TOM1L2: variants seen among roughly 807,000 people sequenced by gnomAD.
TOM1L2 encodes target of myb1 like 2 membrane trafficking protein.
A neutral mutation model predicts 67.9 loss-of-function variants in TOM1L2; 31 were observed. The observed-to-expected ratio is 0.46, with a 90% confidence interval of 0.34 to 0.62. TOM1L2 has a LOEUF of 0.62. Among genes scored for constraint, TOM1L2 ranks in the 20% least tolerant of loss-of-function variants. The pLI is 0.01. For missense variants in TOM1L2, 606 were observed against 663.5 expected, an observed-to-expected ratio of 0.91 and a Z score of 0.95; for synonymous variants, 256 against 254.0, an observed-to-expected ratio of 1.01 and a Z score of -0.07.
chr17:17,956,472 C>A (rs1236319921), intron 1 of TOM1L2, among the ~76,000 whole-genome samples: 1 of 152,228 alleles, frequency 6.6e-6, no homozygotes, highest in Non-Finnish European at 1.5e-5. Context: ...GTGGAGCTGC[C>A]TGCCAGTCCC....
rs573364417 is a variant in TOM1L2 at position 17,883,811 on chromosome 17, C to T, written c.501+823G>A. On this transcript the variant is annotated intron_variant, in intron 5 of 14. Transcript: ENST00000379504. ...GACCTCTTGCACATTAAAATTAAGT[C>T]GTGTTCCTACGAGAGATGTGCACAG... Among the ~76,000 whole-genome samples, 470 of 152,264 alleles carry T rather than the reference C, an allele frequency of 3.1e-3. 1 individual carries two copies. The highest frequency in any genetic ancestry group is 0.01 in the African/African-American group (434 of 41,542).
intron 7 of TOM1L2, among the ~76,000 whole-genome samples, chr17:17,875,116 G>T (rs1301739184): frequency 6.6e-6 from 1 of 152,024 alleles, no homozygotes; most frequent in Non-Finnish European, 1.5e-5. Context: ...AATTAGCCAG[G>T]CATGATGGCA....
intron 2 of TOM1L2, among the ~76,000 whole-genome samples, chr17:17,905,662 G>T (rs1232479402): frequency 3.3e-5 from 5 of 152,070 alleles, no homozygotes; most frequent in Non-Finnish European, 7.4e-5. Context: ...CCTCAGCCTC[G>T]TACAGTGCTG....
At chr17:17,861,188 A>G (rs4924823) in intron 12 of TOM1L2, among the ~76,000 whole-genome samples, 86,350 of 152,028 alleles carry the variant, frequency 0.57, 25,429 homozygotes, top group Non-Finnish European at 0.63. Context: ...TTGGAACCCC[A>G]GCTTGCTGTC....
chr17:17,934,188 C>T (rs1704767614), intron 1 of TOM1L2, among the ~76,000 whole-genome samples: 1 of 152,172 alleles, frequency 6.6e-6, no homozygotes, highest in African/African-American at 2.4e-5. Flanking sequence ...CAAAGTGCTC[C>T]AATCCCAGCA....
intron 1 of TOM1L2, among the ~76,000 whole-genome samples, chr17:17,950,498 T>TAC (rs2041155861): frequency 6.6e-6 from 1 of 151,990 alleles, no homozygotes; most frequent in African/African-American, 2.4e-5. Context: ...CATGCTATCT[T>TAC]ACCAAGGCCG....
rs1459675771 is a variant in TOM1L2, at chr17:17,869,491, C to T, written c.778-18G>A. 1.3e-6 allele frequency: 2 copies of T among 1,582,796 alleles called. No individual in the cohort carries two copies. Among genetic ancestry groups the T allele is most frequent in the Non-Finnish European group, 1.7e-6 (2 of 1,164,088 alleles). On this transcript the variant is annotated intron_variant, in intron 7 of 14. Coordinates refer to ENST00000379504, the MANE Select transcript of TOM1L2 (RefSeq NM_001082968.2). ...TTGAGCTCCTAGGGAACACATGCAC[C>T]TCTGGGTAGCCTGCTGGGTGTGCTT...
chr17:17,888,857 C>A (rs1399832114), intron 4 of TOM1L2, among the ~76,000 whole-genome samples: 2 of 152,190 alleles, frequency 1.3e-5, no homozygotes, highest in Non-Finnish European at 2.9e-5. Context: ...ACAAATGGGA[C>A]TTAATGTAAG....
intron 7 of TOM1L2, among the ~76,000 whole-genome samples, chr17:17,877,404 G>A (rs546607117): frequency 6.6e-6 from 1 of 152,080 alleles, no homozygotes; most frequent in Non-Finnish European, 1.5e-5. Context: ...TCTCTGCCCC[G>A]AGCACTCTGG....
At chr17:17,926,973 C>A (rs576843100) in intron 1 of TOM1L2, among the ~76,000 whole-genome samples, 94 of 152,304 alleles carry the variant, frequency 6.2e-4, no homozygotes, top group South Asian at 2.3e-3. Context: ...ACAGACTTAT[C>A]ACACACAGGT....
At chr17:17,935,840 G>A (rs1303796224) in intron 1 of TOM1L2, among the ~76,000 whole-genome samples, 1 of 152,182 alleles carries the variant, frequency 6.6e-6, no homozygotes, top group Admixed American at 6.5e-5. Flanking sequence ...AAATTTAAGT[G>A]AAATGCACTT....
At chr17:17,872,742 A>G (rs2037215991) in intron 7 of TOM1L2, among the ~76,000 whole-genome samples, 1 of 152,234 alleles carries the variant, frequency 6.6e-6, no homozygotes. Context: ...CTGATGAGCA[A>G]AAGGATCTCA....
chr17:17,946,283 A>G (rs1054994987), intron 1 of TOM1L2, among the ~76,000 whole-genome samples: 3 of 149,504 alleles, frequency 2.0e-5, no homozygotes, highest in African/African-American at 7.4e-5. Context: ...ATATTCACAG[A>G]GTTGTGCAAC....
At chr17:17,913,156 C>T (rs953497014) in intron 1 of TOM1L2, among the ~76,000 whole-genome samples, 6 of 119,982 alleles carry the variant, frequency 5.0e-5, no homozygotes, top group African/African-American at 8.2e-5. Flanking sequence ...AGCTTCGGCT[C>T]GGCATGAGAG....
intron 1 of TOM1L2, among the ~76,000 whole-genome samples, chr17:17,938,153 T>A (rs538619125): frequency 6.6e-6 from 1 of 152,190 alleles, no homozygotes; most frequent in East Asian, 1.9e-4. Flanking sequence ...CAGGTAGAAA[T>A]GAGAGGGAGG....
chr17:17,936,698 TA>T (rs1408123628), intron 1 of TOM1L2, among the ~76,000 whole-genome samples: 4 of 152,176 alleles, frequency 2.6e-5, no homozygotes, highest in Non-Finnish European at 5.9e-5. Context: ...GTTTTTTAAT[TA>T]AAAATGATTA....
In TOM1L2 at chr17:17,961,975, C is replaced by T. The variant is rs1484414165; in HGVS notation, c.52+10287G>A. On this transcript the variant is annotated intron_variant, in intron 1 of 14. Coordinates refer to ENST00000379504, the MANE Select transcript of TOM1L2 (RefSeq NM_001082968.2). ...CAAAAAGTGGAAGCAACTCAGGTGA[C>T]CATCAATGGAAGAATGAATAAACAA... Among the ~76,000 whole-genome samples the T allele has an allele frequency of 3.9e-5, 6 of 151,920 alleles. No homozygotes were observed. The South Asian group carries it at 1.0e-3, about 26-fold the overall frequency.
chr17:17,946,764 G>A (rs137959916), intron 1 of TOM1L2, among the ~76,000 whole-genome samples: 2,100 of 151,750 alleles, frequency 0.014, 35 homozygotes, highest in East Asian at 0.058. Context: ...TCACTCTATC[G>A]CCCAGGCTGG....
intron 2 of TOM1L2, among the ~76,000 whole-genome samples, chr17:17,901,599 A>AC (rs2038859844): frequency 6.6e-6 from 1 of 151,826 alleles, no homozygotes; most frequent in Admixed American, 6.6e-5. Flanking sequence ...TCTCCTCATC[A>AC]CCCCCAAGGA....
Sources: gnomAD v4.1 joint callset for allele counts (sites outside exome capture counted in the v4.1 genomes callset) on GRCh38, gnomAD v4.1.1 for gene constraint, MANE v1.5 for transcripts, NCBI Gene and HGNC (gene_info 2026-07-23, HGNC 2026-07-21) for gene names.